Variants in DLG2 observed in about 807,000 individuals in gnomAD.
DLG2 encodes disks large homolog 2.
Under a neutral mutation model 132.5 loss-of-function variants are expected in DLG2, and 45 were observed. The observed-to-expected ratio is 0.34, with a 90% CI of 0.27 to 0.44. DLG2 has a LOEUF of 0.44. DLG2 is among the 20% of genes least tolerant of loss of function. The pLI is 1.00. For synonymous variants in DLG2, 424 were observed against 419.6 expected, an observed-to-expected ratio of 1.01 and a Z score of -0.13; for missense variants, 1,045 against 1,196.9, an observed-to-expected ratio of 0.87 and a Z score of 1.87.
intron 11 of DLG2, among the ~76,000 whole-genome samples, chr11:84,018,861 G>A (rs533044295): frequency 6.6e-6 from 1 of 151,874 alleles, no homozygotes; most frequent in South Asian, 2.1e-4. Context: ...AAAAAAAATG[G>A]GCAAGACTAA....
intron 7 of DLG2, among the ~76,000 whole-genome samples, chr11:84,431,964 T>C (rs1175814330): frequency 6.6e-6 from 1 of 152,138 alleles, no homozygotes; most frequent in Non-Finnish European, 1.5e-5. Context: ...CAATTAAATA[T>C]CATACGAAAG....
intron 6 of DLG2, among the ~76,000 whole-genome samples, chr11:84,686,218 C>T (rs557297624): frequency 6.6e-6 from 1 of 152,276 alleles, no homozygotes; most frequent in East Asian, 1.9e-4. Flanking sequence ...TGAAATGCTG[C>T]CTGAGAGTGC....
intron 11 of DLG2, among the ~76,000 whole-genome samples, chr11:84,029,172 T>A (rs905330642): frequency 6.6e-6 from 1 of 152,062 alleles, no homozygotes; most frequent in African/African-American, 2.4e-5. Flanking sequence ...AGAAGCTCAA[T>A]CAGTTACTAT....
intron 6 of DLG2, among the ~76,000 whole-genome samples, chr11:84,590,110 G>T (rs931133196): frequency 4.6e-5 from 7 of 152,174 alleles, no homozygotes; most frequent in African/African-American, 7.2e-5. Context: ...CTACCCTGTT[G>T]GAAGGGCAAT....
At chr11:83,610,203 G>A (rs753572311) in intron 19 of DLG2, among the ~76,000 whole-genome samples, 3 of 152,114 alleles carry the variant, frequency 2.0e-5, no homozygotes, top group Non-Finnish European at 2.9e-5. Context: ...GAGAGTCAGT[G>A]GATGTCGGAC....
chr11:83,481,480 A>C (rs2093104402), intron 22 of DLG2, among the ~76,000 whole-genome samples: 1 of 152,156 alleles, frequency 6.6e-6, no homozygotes, highest in African/African-American at 2.4e-5. Context: ...GAGAAAAATA[A>C]TATATAAAAT....
chr11:83,597,578 T>C (rs1354030819), intron 19 of DLG2, among the ~76,000 whole-genome samples: 2 of 151,464 alleles, frequency 1.3e-5, no homozygotes, highest in African/African-American at 2.4e-5. Flanking sequence ...GTGCCTATAG[T>C]CGCCCCAGCT....
At chr11:84,692,978 A>G (rs898560346) in intron 6 of DLG2, among the ~76,000 whole-genome samples, 2 of 151,794 alleles carry the variant, frequency 1.3e-5, no homozygotes, top group Non-Finnish European at 2.9e-5. Context: ...CACATTCTTA[A>G]TAACTGCGCA....
chr11:85,620,911 A>G (rs1220838494), intron 2 of DLG2, among the ~76,000 whole-genome samples: 1 of 152,256 alleles, frequency 6.6e-6, no homozygotes, highest in African/African-American at 2.4e-5. Context: ...TAAACAACAG[A>G]TTTTCAATTC....
chr11:84,564,786 C>G (rs991401268), intron 6 of DLG2, among the ~76,000 whole-genome samples: 80 of 152,244 alleles, frequency 5.3e-4, no homozygotes, highest in African/African-American at 1.9e-3. Flanking sequence ...TGGCTGCTGC[C>G]ACCTGGTGTC....
At chr11:84,583,244 A>C (rs981007734) in intron 6 of DLG2, among the ~76,000 whole-genome samples, 2 of 152,176 alleles carry the variant, frequency 1.3e-5, no homozygotes. Context: ...GCAGCATATG[A>C]ATATAAGCAT....
At chr11:83,992,862 T>C (rs561888342) in intron 11 of DLG2, among the ~76,000 whole-genome samples, 12 of 152,192 alleles carry the variant, frequency 7.9e-5, no homozygotes, top group African/African-American at 2.2e-4. Flanking sequence ...AGGATGATCA[T>C]CAACCAAGAA....
intron 3 of DLG2, among the ~76,000 whole-genome samples, chr11:85,378,019 C>T (rs980978202): frequency 6.6e-6 from 1 of 151,802 alleles, no homozygotes; most frequent in Non-Finnish European, 1.5e-5. Flanking sequence ...CCAGCTGTTC[C>T]CACATATTTT....
At chr11:83,544,915 C>T (rs894171094) in intron 19 of DLG2, among the ~76,000 whole-genome samples, 7 of 152,254 alleles carry the variant, frequency 4.6e-5, no homozygotes, top group South Asian at 2.1e-4. Flanking sequence ...GCCATGCTCA[C>T]GATCTAGCAG....
At chr11:83,525,802 TC>T (rs1464748394) in intron 21 of DLG2, among the ~76,000 whole-genome samples, 12 of 152,210 alleles carry the variant, frequency 7.9e-5, no homozygotes, top group Non-Finnish European at 5.9e-5. Context: ...TAATGACATT[TC>T]TTTTGTCAAA....
At chr11:84,509,941 A>T (rs1042214399) in intron 7 of DLG2, among the ~76,000 whole-genome samples, 3 of 151,914 alleles carry the variant, frequency 2.0e-5, no homozygotes, top group African/African-American at 7.2e-5. Context: ...AAAAATTAAG[A>T]AAATAAATTA....
rs76746619 is a variant in DLG2, at chr11:84,772,790, A to G, written c.358-238059T>C. Among the ~76,000 whole-genome samples the G allele has an allele frequency of 2.3e-3, 355 of 152,306 alleles. 6 individuals are homozygous for G. In the East Asian group the frequency reaches 0.049, roughly 21 times the overall value. ...CATACCAAAATCTCTGGGATGCTGC[A>G]AAAGCAGCGGTAAGAGGAAAGTTTA... On this transcript the variant is annotated intron_variant, in intron 6 of 27. Transcript: ENST00000376104.
At chr11:85,365,403 A>T (rs961282741) in intron 3 of DLG2, among the ~76,000 whole-genome samples, 1 of 152,170 alleles carries the variant, frequency 6.6e-6, no homozygotes, top group African/African-American at 2.4e-5. Flanking sequence ...AGGGCTGGGA[A>T]CTGCACAGTT....
chr11:84,273,380 G>T (rs998761636), intron 7 of DLG2: 1 of 1,289,746 alleles, frequency 7.8e-7, no homozygotes. Flanking sequence ...TACACAAACT[G>T]CTATCTTAAG....
Sources: allele counts gnomAD v4.1 joint callset (sites outside exome capture counted in the v4.1 genomes callset), GRCh38; gene constraint gnomAD v4.1.1; transcripts MANE v1.5; gene names NCBI Gene and HGNC (gene_info 2026-07-23, HGNC 2026-07-21).